The following VPS50 variants were observed in gnomAD, a reference collection of about 807,000 sequenced individuals.
VPS50 encodes the protein VPS50 subunit of EARP/GARPII complex.
In VPS50, 70 loss-of-function variants were observed where a neutral mutation model predicts 139.7. The ratio of observed to expected loss-of-function variants is 0.50; its 90% confidence interval spans 0.41 to 0.61. The LOEUF is 0.61. Among genes scored for constraint, VPS50 ranks in the 20% least tolerant of loss-of-function variants. The pLI is 0.00. For synonymous variants in VPS50, 365 were observed against 376.7 expected (o/e 0.97, Z 0.36); for missense variants, 921 against 1,133.7 (o/e 0.81, Z 2.69).
intron 15 of VPS50, 48 bp from the exon 16 acceptor site, chr7:93,297,097 T>G (rs1796832993): frequency 6.5e-7 from 1 of 1,528,066 alleles, no homozygotes; most frequent in Admixed American, 2.7e-5. Flanking sequence ...CTTCTTTTTC[T>G]CTATAAGGCT....
Position 93,296,758 on chromosome 7 carries a change from TA to T in VPS50, c.1189del (p.Thr397ProfsTer22). On this transcript the variant is annotated frameshift_variant, in exon 15 of 28. Transcript: ENST00000305866. LOFTEE classifies it high-confidence loss of function. ...TRIWQDVQLK[V>X]KTYLLGTDLS... ...GCCTTACAGGATGTTCAGCTAAAAG[TA>T]AAAACCTACTTGCTTGGAACTGATT... is the stretch of plus-strand genomic sequence containing the variant. 1 of 1,603,058 alleles carries T rather than the reference TA, an allele frequency of 6.2e-7. No individual in the cohort carries two copies.
chr7:93,292,515 A>G (rs1027133809), intron 13 of VPS50, among the ~76,000 whole-genome samples: 1 of 152,162 alleles, frequency 6.6e-6, no homozygotes, highest in African/African-American at 2.4e-5. Context: ...TTATAAAAAC[A>G]GTAAATGATT....
In VPS50 at chr7:93,256,105, A is replaced by G. The variant is rs536722129; in HGVS notation, c.298-404A>G. On this transcript the variant is annotated intron_variant, in intron 4 of 27. Coordinates refer to ENST00000305866, the MANE Select transcript of VPS50 (RefSeq NM_017667.4). ...CAACATAAAGGATCTAAAGGATACAAGCAAGTTCTTTTTCCCAGATATTGT... is the reference window on the plus strand; with the variant it reads ...CAACATAAAGGATCTAAAGGATACAGGCAAGTTCTTTTTCCCAGATATTGT... 7.2e-5 allele frequency among the ~76,000 whole-genome samples: 11 copies of G among 152,342 alleles called. No individual in the cohort carries two copies. The East Asian group carries it at 1.9e-3, about 27-fold the overall frequency.
intron 23 of VPS50, among the ~76,000 whole-genome samples, chr7:93,347,770 G>A (rs1006634285): frequency 6.4e-5 from 9 of 140,856 alleles, no homozygotes; most frequent in African/African-American, 2.4e-4. Context: ...GGTGGGAATT[G>A]AACAATGAGA....
intron 23 of VPS50, among the ~76,000 whole-genome samples, chr7:93,343,948 C>G (rs2117067950): frequency 6.6e-6 from 1 of 152,260 alleles, no homozygotes; most frequent in African/African-American, 2.4e-5. Flanking sequence ...CAGCTAACAT[C>G]ATAATGACAG....
At chr7:93,328,511 C>A (rs1190038742) in intron 21 of VPS50, among the ~76,000 whole-genome samples, 1 of 152,140 alleles carries the variant, frequency 6.6e-6, no homozygotes, top group Non-Finnish European at 1.5e-5. Context: ...AGATTTCCTG[C>A]AGAAAACAAC....
chr7:93,297,062 T>A (rs958429854), intron 15 of VPS50, 83 bp from the exon 16 acceptor site: 59 of 1,493,104 alleles, frequency 4.0e-5, no homozygotes, highest in Non-Finnish European at 5.2e-5. Context: ...TGATTTTTTT[T>A]ATCTTTGAAG....
chr7:93,335,371 C>T (rs1798043200), intron 22 of VPS50, among the ~76,000 whole-genome samples: 1 of 152,216 alleles, frequency 6.6e-6, no homozygotes, highest in Admixed American at 6.5e-5. Flanking sequence ...TTACCCAACA[C>T]ATTTTTAAAA....
chr7:93,275,216 G>GATAAACTTA (rs1225824035), intron 11 of VPS50, among the ~76,000 whole-genome samples: 1 of 152,134 alleles, frequency 6.6e-6, no homozygotes, highest in African/African-American at 2.4e-5. Flanking sequence ...GAAATAATTT[G>GATAAACTTA]GGATATTACA....
chr7:93,344,063 G>C (rs556610511), intron 23 of VPS50, among the ~76,000 whole-genome samples: 2,517 of 152,200 alleles, frequency 0.017, 83 homozygotes, highest in African/African-American at 0.058. Context: ...AGACCCATCA[G>C]TGTGCTGTAT....
At chr7:93,357,419 A>G (rs977595068) in intron 27 of VPS50, among the ~76,000 whole-genome samples, 1 of 152,152 alleles carries the variant, frequency 6.6e-6, no homozygotes, top group African/African-American at 2.4e-5. Context: ...TCCCACAATG[A>G]TGAGTCCAGC....
Position 93,287,421 on chromosome 7 carries a change from C to CTT in VPS50, c.943-4269_943-4268dup, listed in dbSNP as rs201490850. 1.5e-3 allele frequency among the ~76,000 whole-genome samples: 209 copies of CTT among 140,574 alleles called. 1 individual carries two copies. The highest frequency in any genetic ancestry group is 4.5e-3 in the African/African-American group (175 of 38,528). The allele number at this position is 140,574 out of a possible 152,430, so 92.2% of individuals were successfully genotyped here. A position where few individuals can be genotyped will look rare whatever the true frequency, so the allele number is the denominator to read the frequency against. ...CAAGAGATAACATAATGAAGGACCT[C>CTT]TTTTTTTTTTTTTTCAAATAAATAG... is the stretch of plus-strand genomic sequence containing the variant. On this transcript the variant is annotated intron_variant, in intron 12 of 27. Transcript: ENST00000305866.
chr7:93,247,216 A>AT (rs1454392085), intron 2 of VPS50, among the ~76,000 whole-genome samples: 3 of 151,798 alleles, frequency 2.0e-5, no homozygotes, highest in Admixed American at 1.3e-4. Context: ...AATATTGAAT[A>AT]TTTTTGCCTG....
intron 27 of VPS50, among the ~76,000 whole-genome samples, chr7:93,357,660 A>G (rs2117100911): frequency 6.6e-6 from 1 of 152,236 alleles, no homozygotes; most frequent in East Asian, 1.9e-4. Flanking sequence ...TCCCTATCTG[A>G]ACTCTTGCTA....
At chr7:93,327,507 A>G (rs1271752743) in intron 21 of VPS50, among the ~76,000 whole-genome samples, 1 of 152,200 alleles carries the variant, frequency 6.6e-6, no homozygotes, top group East Asian at 1.9e-4. Flanking sequence ...AAGTATAGTT[A>G]GGTACTTATT....
intron 12 of VPS50, among the ~76,000 whole-genome samples, chr7:93,290,031 C>T (rs1010563938): frequency 1.3e-5 from 2 of 151,858 alleles, no homozygotes; most frequent in Non-Finnish European, 2.9e-5. Flanking sequence ...CCTAAAAATT[C>T]TCTCTTGTTA....
intron 19 of VPS50, among the ~76,000 whole-genome samples, chr7:93,309,921 T>C (rs1205719800): frequency 1.3e-5 from 2 of 151,996 alleles, no homozygotes; most frequent in Non-Finnish European, 2.9e-5. Flanking sequence ...TATTTAATAC[T>C]GTTTAACTTG....
intron 9 of VPS50, among the ~76,000 whole-genome samples, chr7:93,263,960 G>T (rs1795764774): frequency 6.6e-6 from 1 of 152,084 alleles, no homozygotes; most frequent in Non-Finnish European, 1.5e-5. Flanking sequence ...CATTGTATTA[G>T]ACATTATAAG....
chr7:93,307,690 A>C (rs962024700), intron 18 of VPS50, among the ~76,000 whole-genome samples: 2 of 151,924 alleles, frequency 1.3e-5, no homozygotes, highest in African/African-American at 4.8e-5. Context: ...TGTTGTTGTA[A>C]TCAGGACATC....
Sources: gnomAD v4.1 joint callset for allele counts (sites outside exome capture counted in the v4.1 genomes callset) on GRCh38, gnomAD v4.1.1 for gene constraint, MANE v1.5 for transcripts, NCBI Gene and HGNC (gene_info 2026-07-23, HGNC 2026-07-21) for gene names.